The following GPC5 variants were observed in gnomAD, a reference collection of about 807,000 sequenced individuals.
GPC5 encodes glypican-5.
Under a neutral mutation model 53.9 loss-of-function variants are expected in GPC5, and 47 were observed. The observed-to-expected ratio is 0.87, with a 90% confidence interval of 0.69 to 1.11. GPC5 has a LOEUF of 1.11. Among genes scored for constraint, GPC5 ranks in the 50% most tolerant of loss-of-function variants. GPC5 has a pLI of 0.00. For missense variants in GPC5, 748 were observed against 713.1 expected (o/e 1.05, Z -0.56); for synonymous variants, 286 against 263.3 (o/e 1.09, Z -0.84).
chr13:91,530,195 TC>T (rs1194364727), intron 2 of GPC5, among the ~76,000 whole-genome samples: 1 of 152,244 alleles, frequency 6.6e-6, no homozygotes. Flanking sequence ...ATGTGACAGA[TC>T]ATCATTACTC....
intron 7 of GPC5, among the ~76,000 whole-genome samples, chr13:92,620,184 T>C (rs1239228904): frequency 6.6e-6 from 1 of 151,820 alleles, no homozygotes; most frequent in Non-Finnish European, 1.5e-5. Flanking sequence ...CAGAGAATAA[T>C]TGAAGAAATA....
intron 6 of GPC5, among the ~76,000 whole-genome samples, chr13:92,120,588 C>T (rs921446721): frequency 2.6e-5 from 4 of 152,068 alleles, no homozygotes; most frequent in Non-Finnish European, 4.4e-5. Context: ...CATTACTCTC[C>T]CTTGTTAATC....
intron 2 of GPC5, among the ~76,000 whole-genome samples, chr13:91,607,825 C>A (rs1411535141): frequency 6.6e-6 from 1 of 152,120 alleles, no homozygotes; most frequent in African/African-American, 2.4e-5. Context: ...TAAATTAAGG[C>A]GTGGACCTTT....
In GPC5 at chr13:92,808,284, A is replaced by G. The variant is rs533769799; in HGVS notation, c.1562-57998A>G. Reference sequence around the variant, plus strand: ...CTTTCTCTTTAAGAAACTTAAACACACAAGTGTATGCGTATGCACACACAC... The same window carrying G: ...CTTTCTCTTTAAGAAACTTAAACACGCAAGTGTATGCGTATGCACACACAC... On this transcript the variant is annotated intron_variant, in intron 7 of 7. Coordinates refer to ENST00000377067, the MANE Select transcript of GPC5 (RefSeq NM_004466.6). 1.4e-4 allele frequency among the ~76,000 whole-genome samples: 21 copies of G among 152,302 alleles called. No individual in the cohort carries two copies. The South Asian group carries it at 4.3e-3, about 32-fold the overall frequency.
chr13:92,457,660 C>G (rs1275039202), intron 7 of GPC5, among the ~76,000 whole-genome samples: 2 of 152,170 alleles, frequency 1.3e-5, no homozygotes, highest in Non-Finnish European at 2.9e-5. Context: ...TTGTGTATCT[C>G]GCTAGCTCAA....
chr13:92,629,439 G>A (rs567206422), intron 7 of GPC5, among the ~76,000 whole-genome samples: 25 of 152,226 alleles, frequency 1.6e-4, no homozygotes, highest in Admixed American at 1.4e-3. Flanking sequence ...TTTGTTCCTA[G>A]CTGTTGCCGC....
At chr13:91,794,934 A>G (rs1162440568) in intron 5 of GPC5, among the ~76,000 whole-genome samples, 1 of 152,210 alleles carries the variant, frequency 6.6e-6, no homozygotes, top group Non-Finnish European at 1.5e-5. Flanking sequence ...AGAGTAAATT[A>G]ATTACAGAAT....
intron 7 of GPC5, among the ~76,000 whole-genome samples, chr13:92,247,482 G>T (rs1477471652): frequency 6.6e-6 from 1 of 152,104 alleles, no homozygotes; most frequent in Non-Finnish European, 1.5e-5. Flanking sequence ...TGTTAAGATT[G>T]TCTTGTTTAC....
intron 6 of GPC5, chr13:91,996,543 A>T (rs1412260197): frequency 6.6e-6 from 1 of 152,228 alleles, no homozygotes; most frequent in African/African-American, 2.4e-5. Flanking sequence ...TAAATATAAC[A>T]CATAGCAAAA....
intron 7 of GPC5, among the ~76,000 whole-genome samples, chr13:92,716,919 C>T (rs1888349380): frequency 6.6e-6 from 1 of 152,040 alleles, no homozygotes. Flanking sequence ...TCATGACAGC[C>T]CTACAGAGGG....
At chr13:91,512,177 G>A (rs1310266448) in intron 2 of GPC5, among the ~76,000 whole-genome samples, 1 of 152,188 alleles carries the variant, frequency 6.6e-6, no homozygotes, top group African/African-American at 2.4e-5. Flanking sequence ...ATCGCTCTAT[G>A]TTTTACATCG....
At chr13:92,417,073 C>G (rs1161850237) in intron 7 of GPC5, among the ~76,000 whole-genome samples, 2 of 152,204 alleles carry the variant, frequency 1.3e-5, no homozygotes, top group Non-Finnish European at 2.9e-5. Context: ...GTAAGTCACG[C>G]CGTTGTAAGT....
chr13:92,486,490 C>T (rs1160091533), intron 7 of GPC5, among the ~76,000 whole-genome samples: 1 of 152,114 alleles, frequency 6.6e-6, no homozygotes. Context: ...CTAGACATTT[C>T]CAACTCCTTA....
intron 6 of GPC5, among the ~76,000 whole-genome samples, chr13:91,920,821 A>G (rs977457588): frequency 6.6e-6 from 1 of 151,582 alleles, no homozygotes; most frequent in Non-Finnish European, 1.5e-5. Context: ...GTACTCAGTT[A>G]AATTATCAGC....
chr13:91,622,799 A>G lies in GPC5; in HGVS notation c.326-70388A>G, dbSNP rs187058060. 4.4e-3 allele frequency among the ~76,000 whole-genome samples: 668 copies of G among 152,266 alleles called. 4 individuals are homozygous for G. Among genetic ancestry groups the G allele is most frequent in the African/African-American group, 0.015 (643 of 41,562 alleles). ...TGAAAGACAGCTATAGATTATGGAG[A>G]GAAAAGTCCACTACTACAAGAATCC... On this transcript the variant is annotated intron_variant, in intron 2 of 7. Coordinates refer to ENST00000377067, the MANE Select transcript of GPC5 (RefSeq NM_004466.6).
At chr13:92,289,586 ATTAG>A (rs1026345687) in intron 7 of GPC5, among the ~76,000 whole-genome samples, 27 of 151,978 alleles carry the variant, frequency 1.8e-4, no homozygotes, top group South Asian at 8.3e-4. Flanking sequence ...TAATTCTAAT[ATTAG>A]TTAATAATAA....
intron 7 of GPC5, among the ~76,000 whole-genome samples, chr13:92,511,705 G>A (rs1880572920): frequency 6.6e-6 from 1 of 152,094 alleles, no homozygotes; most frequent in Admixed American, 6.5e-5. Flanking sequence ...CTCTTATAAA[G>A]TCATTTTGTT....
chr13:92,092,036 G>A (rs1275933426), intron 6 of GPC5, among the ~76,000 whole-genome samples: 3 of 152,124 alleles, frequency 2.0e-5, no homozygotes, highest in Non-Finnish European at 4.4e-5. Flanking sequence ...TAGCTATGTG[G>A]ATTAAAGGTC....
chr13:91,503,817 A>AATAATAATAATAATCATC (rs1555316221), intron 2 of GPC5, among the ~76,000 whole-genome samples: 35 of 147,414 alleles, frequency 2.4e-4, no homozygotes, highest in Middle Eastern at 3.3e-3. Context: ...TAATAATAAT[A>AATAATAATAATAATCATC]ATCAGGCTGT....
Sources: allele counts gnomAD v4.1 joint callset (sites outside exome capture counted in the v4.1 genomes callset), GRCh38; gene constraint gnomAD v4.1.1; transcripts MANE v1.5; gene names NCBI Gene and HGNC (gene_info 2026-07-23, HGNC 2026-07-21).